The following ARMC3 variants were observed in gnomAD, a reference collection of about 807,000 sequenced individuals.
ARMC3 encodes the protein armadillo repeat containing 3, also known as armadillo repeat-containing protein 3.
In ARMC3, 74 loss-of-function variants were observed where a neutral mutation model predicts 90.3. The ratio of observed to expected loss-of-function variants is 0.82; its 90% CI spans 0.68 to 0.99. The LOEUF is 0.99. ARMC3 is among the 50% of genes least tolerant of loss of function. The pLI is 0.00. For synonymous variants in ARMC3, 334 were observed against 361.8 expected (o/e 0.92, Z 0.87); for missense variants, 958 against 1,042.8 (o/e 0.92, Z 1.12).
At chr10:22,996,353 G>A (rs1588892969) in intron 10 of ARMC3, among the ~76,000 whole-genome samples, 1 of 152,252 alleles carries the variant, frequency 6.6e-6, no homozygotes, top group East Asian at 1.9e-4. Context: ...CCCTAGGAAA[G>A]GAAATTAAAT....
In ARMC3 at chr10:22,981,575, T is replaced by C. The variant is rs1258153860; in HGVS notation, c.1070-20T>C. Reference sequence around the variant, plus strand: ...CATGGGCATTTTAAAAGTCACATTTTTACCTTTCTCTTTCTGTAGGGATTC... The same window carrying C: ...CATGGGCATTTTAAAAGTCACATTTCTACCTTTCTCTTTCTGTAGGGATTC... On this transcript the variant is annotated intron_variant, in intron 9 of 18. Transcript: ENST00000298032. 2 of 1,613,886 alleles carry C rather than the reference T, an allele frequency of 1.2e-6. No individual in the cohort carries two copies. Among genetic ancestry groups the C allele is most frequent in the Non-Finnish European group, 1.7e-6 (2 of 1,179,880 alleles).
At chr10:23,036,051 C>T (rs998447873) in intron 18 of ARMC3, among the ~76,000 whole-genome samples, 3 of 152,164 alleles carry the variant, frequency 2.0e-5, no homozygotes, top group Non-Finnish European at 2.9e-5. Flanking sequence ...GAAAATTATG[C>T]GACCTCAGTT....
At chr10:23,020,462 T>C (rs1426565782) in intron 16 of ARMC3, among the ~76,000 whole-genome samples, 1 of 152,194 alleles carries the variant, frequency 6.6e-6, no homozygotes, top group Non-Finnish European at 1.5e-5. Context: ...GGTAAATACC[T>C]GGGAGTGGGA....
rs1564411356 is a variant in ARMC3, at chr10:23,037,654, T to G, written c.*175T>G. 30 of 622,490 alleles carry G rather than the reference T, an allele frequency of 4.8e-5. No homozygotes were observed. The East Asian group carries it at 8.8e-4, about 18-fold the overall frequency. 38.6% of individuals were successfully genotyped at this position (622,490 alleles called of 1,614,324 possible). A position where few individuals can be genotyped will look rare whatever the true frequency, so the allele number is the denominator to read the frequency against. ...GAGTGAACTTTGCTGTGCTTCTGAT[T>G]TCAGGCTTTTGGCAAGAGTTCTGTC... On this transcript the variant is annotated 3_prime_UTR_variant, in exon 19 of 19. Transcript: ENST00000298032.
chr10:23,002,097 C>T, intron 12 of ARMC3, 42 bp downstream of exon 12: 1 of 1,602,432 alleles, frequency 6.2e-7, no homozygotes, highest in Non-Finnish European at 8.5e-7. Flanking sequence ...AGATGAAGAG[C>T]AGAAGACGGA....
chr10:23,004,790 C>T (rs1053623747), intron 13 of ARMC3, among the ~76,000 whole-genome samples: 1 of 152,176 alleles, frequency 6.6e-6, no homozygotes, highest in Admixed American at 6.5e-5. Flanking sequence ...CTGCCTCCCC[C>T]ACCTCCTGCC....
At chr10:23,015,137 T>C (rs1564398046) in intron 16 of ARMC3, among the ~76,000 whole-genome samples, 1 of 152,138 alleles carries the variant, frequency 6.6e-6, no homozygotes, top group African/African-American at 2.4e-5. Flanking sequence ...TGTGAAGTGT[T>C]CTAATATGGA....
chr10:23,025,547 A>G (rs181136676), intron 16 of ARMC3, among the ~76,000 whole-genome samples: 69 of 152,266 alleles, frequency 4.5e-4, no homozygotes, highest in Admixed American at 2.1e-3. Flanking sequence ...TAGGACTGAA[A>G]GAAATTTAAA....
At chr10:22,963,887 TCACACACACACACA>T (rs1218675914) in intron 7 of ARMC3, among the ~76,000 whole-genome samples, 3 of 33,862 alleles carry the variant, frequency 8.9e-5, no homozygotes, top group Non-Finnish European at 1.4e-4. Context: ...AGACTCTGTC[TCACACACACACACA>T]CACACACACA....
chr10:22,966,733 G>C (rs1034460610), intron 7 of ARMC3, among the ~76,000 whole-genome samples: 1 of 152,130 alleles, frequency 6.6e-6, no homozygotes, highest in African/African-American at 2.4e-5. Context: ...ATAGCAGAAG[G>C]GGAAACAGGT....
At chr10:22,970,671 T>C (rs148451665) in intron 8 of ARMC3, among the ~76,000 whole-genome samples, 1 of 152,294 alleles carries the variant, frequency 6.6e-6, no homozygotes, top group African/African-American at 2.4e-5. Context: ...CAGGACTGGC[T>C]CAAGGCACTT....
intron 16 of ARMC3, among the ~76,000 whole-genome samples, chr10:23,012,889 C>CTT (rs553944945): frequency 0.018 from 2,357 of 134,384 alleles, 124 homozygotes; most frequent in African/African-American, 0.065. Context: ...TAGCCCCCAC[C>CTT]TTTTTTTTTT....
At chr10:22,975,497 G>A (rs1358041880) in intron 8 of ARMC3, among the ~76,000 whole-genome samples, 1 of 152,106 alleles carries the variant, frequency 6.6e-6, no homozygotes, top group Non-Finnish European at 1.5e-5. Flanking sequence ...CCTAGGAGGT[G>A]GAGGTTGCAG....
chr10:22,931,947 A>T (rs1564334094), intron 1 of ARMC3, 49 bp from the exon 2 acceptor site: 1 of 1,516,102 alleles, frequency 6.6e-7, no homozygotes, highest in Non-Finnish European at 9.1e-7. Context: ...GGTAATTGAG[A>T]AATGTATGTG....
chr10:22,933,432 G>C (rs1287194283), intron 2 of ARMC3, among the ~76,000 whole-genome samples: 1 of 152,028 alleles, frequency 6.6e-6, no homozygotes, highest in Non-Finnish European at 1.5e-5. Context: ...ATAATGTCTT[G>C]CTGATATTGT....
chr10:23,005,684 C>T (rs904948868), intron 13 of ARMC3, among the ~76,000 whole-genome samples: 4 of 152,002 alleles, frequency 2.6e-5, no homozygotes, highest in East Asian at 3.9e-4. Flanking sequence ...ACCAACATGG[C>T]GAAACCCTGT....
chr10:22,949,502 G>A (rs765623925), intron 3 of ARMC3, among the ~76,000 whole-genome samples: 1 of 152,116 alleles, frequency 6.6e-6, no homozygotes, highest in African/African-American at 2.4e-5. Flanking sequence ...AATGCAGTTT[G>A]GACATTGCAG....
chr10:22,996,639 C>T (rs1184211047), intron 10 of ARMC3, among the ~76,000 whole-genome samples: 2 of 152,098 alleles, frequency 1.3e-5, no homozygotes, highest in Non-Finnish European at 2.9e-5. Flanking sequence ...ACCAACTGAG[C>T]CCTTCATTCT....
chr10:22,977,746 T>C (rs1230761845), intron 8 of ARMC3, among the ~76,000 whole-genome samples: 1 of 152,216 alleles, frequency 6.6e-6, no homozygotes, highest in African/African-American at 2.4e-5. Flanking sequence ...CTAGGAGATA[T>C]CTGGTCTGAA....
Sources: allele counts gnomAD v4.1 joint callset (sites outside exome capture counted in the v4.1 genomes callset), GRCh38; gene constraint gnomAD v4.1.1; transcripts MANE v1.5; gene names NCBI Gene and HGNC (gene_info 2026-07-23, HGNC 2026-07-21).